The following SLC3A1 variants were observed in gnomAD, a reference collection of about 807,000 sequenced individuals.
SLC3A1 encodes solute carrier family 3 member 1.
Under a neutral mutation model 60.3 loss-of-function variants are expected in SLC3A1, and 78 were observed. The observed-to-expected ratio is 1.29, with a 90% CI of 1.08 to 1.56. The LOEUF is 1.56. SLC3A1 is among the 40% of genes most tolerant of loss of function. The pLI is 0.00. For missense variants in SLC3A1, 1,172 were observed against 858.9 expected (o/e 1.36, Z -4.56); for synonymous variants, 392 against 307.9 (o/e 1.27, Z -2.86).
intron 3 of SLC3A1, among the ~76,000 whole-genome samples, chr2:44,284,250 T>C (rs1261482746): frequency 6.6e-6 from 1 of 152,156 alleles, no homozygotes; most frequent in Non-Finnish European, 1.5e-5. Context: ...CACCTAATTT[T>C]TGTATCTTTA....
chr2:44,288,802 A>G (rs529520862), intron 4 of SLC3A1, among the ~76,000 whole-genome samples: 3 of 152,250 alleles, frequency 2.0e-5, no homozygotes, highest in Admixed American at 6.5e-5. Flanking sequence ...AGAAATGTCT[A>G]TTTAAATCCT....
intron 6 of SLC3A1, 37 bp from the exon 7 acceptor site, chr2:44,304,106 A>C: frequency 6.4e-7 from 1 of 1,554,842 alleles, no homozygotes; most frequent in Non-Finnish European, 8.9e-7. Flanking sequence ...GTCTTCTGAC[A>C]GGCCCCGATG....
At chr2:44,314,155 A>G in intron 9 of SLC3A1, 2 of 1,265,052 alleles carry the variant, frequency 1.6e-6, no homozygotes, top group Non-Finnish European at 2.2e-6. Flanking sequence ...TACCAAGTGA[A>G]GTGAAGTATC....
At chr2:44,282,169 G>A (rs1671514010) in intron 3 of SLC3A1, among the ~76,000 whole-genome samples, 1 of 152,068 alleles carries the variant, frequency 6.6e-6, no homozygotes, top group East Asian at 1.9e-4. Context: ...ACCGCTCCTG[G>A]CCCCCTTTGC....
chr2:44,278,153 CA>C (rs1185500651), intron 1 of SLC3A1, among the ~76,000 whole-genome samples: 1 of 152,024 alleles, frequency 6.6e-6, no homozygotes, highest in Non-Finnish European at 1.5e-5. Flanking sequence ...CAGAAATAAG[CA>C]GCCTGTCAGG....
chr2:44,287,857 C>G (rs1671653097), intron 4 of SLC3A1, among the ~76,000 whole-genome samples: 1 of 152,084 alleles, frequency 6.6e-6, no homozygotes, highest in African/African-American at 2.4e-5. Context: ...AGAGTGGATG[C>G]AAGCTGTCAT....
At chr2:44,306,985 C>A (rs930924701) in intron 7 of SLC3A1, among the ~76,000 whole-genome samples, 1 of 152,184 alleles carries the variant, frequency 6.6e-6, no homozygotes, top group Non-Finnish European at 1.5e-5. Flanking sequence ...TCTCCACTAG[C>A]AATAACTGCG....
chr2:44,301,044 C>G lies in SLC3A1; in HGVS notation c.1053C>G (p.Thr351=), dbSNP rs1671991774. Residue 351 remains threonine (T), a synonymous_variant, in exon 6 of 10, where the codon ACC becomes ACG. Transcript: ENST00000260649. ...ACTCGGAGCTGTACCATGACTTCACCACCACGCAGGTGGGAATGCACGACA... is the reference window on the plus strand; with the variant it reads ...ACTCGGAGCTGTACCATGACTTCACGACCACGCAGGTGGGAATGCACGACA... ...TQYSELYHDF[T]TTQVGMHDIV... 6.2e-7 allele frequency: 1 copy of G among 1,614,044 alleles called. No individual in the cohort carries two copies. The highest frequency in any genetic ancestry group is 1.7e-5 in the Admixed American group (1 of 60,000).
intron 4 of SLC3A1, among the ~76,000 whole-genome samples, chr2:44,294,410 C>A (rs1032827218): frequency 3.3e-5 from 5 of 149,844 alleles, no homozygotes; most frequent in African/African-American, 1.2e-4. Flanking sequence ...GAGGCTGAGG[C>A]AGGAGAATTG....
At chr2:44,316,785 T>C (rs1474154222) in intron 9 of SLC3A1, among the ~76,000 whole-genome samples, 1 of 152,172 alleles carries the variant, frequency 6.6e-6, no homozygotes, top group Non-Finnish European at 1.5e-5. Flanking sequence ...GAATTCTGTA[T>C]CCATTCAAAG....
intron 6 of SLC3A1, 163 bp from the exon 7 acceptor site, chr2:44,303,980 T>C: frequency 1.4e-6 from 1 of 703,290 alleles, no homozygotes; most frequent in Non-Finnish European, 2.6e-6. Flanking sequence ...CAGTCTAACA[T>C]TTGGTGACAG....
At chr2:44,317,040 T>C (rs1052364769) in intron 9 of SLC3A1, among the ~76,000 whole-genome samples, 1 of 150,452 alleles carries the variant, frequency 6.6e-6, no homozygotes, top group African/African-American at 2.4e-5. Context: ...GGTGTGTGGG[T>C]GGGAGGGGGC....
intron 9 of SLC3A1, chr2:44,314,403 T>G (rs1433625955): frequency 4.1e-6 from 1 of 245,714 alleles, no homozygotes; most frequent in Non-Finnish European, 7.9e-6. Flanking sequence ...CCATACATGA[T>G]CCTTAAAGTG....
At chr2:44,302,789 A>G (rs1672047909) in intron 6 of SLC3A1, among the ~76,000 whole-genome samples, 1 of 152,252 alleles carries the variant, frequency 6.6e-6, no homozygotes, top group Non-Finnish European at 1.5e-5. Flanking sequence ...TAGATTCTAA[A>G]TGGAGTGATG....
downstream of SLC3A1, among the ~76,000 whole-genome samples, chr2:44,322,263 G>T (rs980021328): frequency 2.0e-5 from 3 of 152,116 alleles, no homozygotes; most frequent in African/African-American, 7.2e-5. Flanking sequence ...GACTGATATG[G>T]CATGTAGTTT....
chr2:44,275,704 C>A lies in SLC3A1; in HGVS notation c.169C>A (p.Pro57Thr), dbSNP rs553114730. 1.2e-6 allele frequency: 2 copies of A among 1,614,052 alleles called. No homozygotes were observed. The highest frequency in any genetic ancestry group is 1.7e-6 in the Non-Finnish European group (2 of 1,180,012). ...CAGGGGCATCCTTGGCTCCCAGGAG[C>A]CCGACTTCAAGGGCGTCCAGCCCTA... ...STRGILGSQE[P>T]DFKGVQPYAG... Residue 57 changes from proline (P) to threonine (T), a missense_variant, in exon 1 of 10, where the codon CCC (proline) becomes ACC (threonine). Coordinates refer to ENST00000260649, the MANE Select transcript of SLC3A1 (RefSeq NM_000341.4).
At chr2:44,294,933 A>C (rs1196982278) in intron 4 of SLC3A1, among the ~76,000 whole-genome samples, 1 of 152,126 alleles carries the variant, frequency 6.6e-6, no homozygotes, top group Non-Finnish European at 1.5e-5. Context: ...TAATAGAGAC[A>C]GGGTCTCACT....
In SLC3A1 at chr2:44,276,398, G is replaced by C. The variant is rs572557188; in HGVS notation, c.430+433G>C. On this transcript the variant is annotated intron_variant, in intron 1 of 9. Coordinates refer to ENST00000260649, the MANE Select transcript of SLC3A1 (RefSeq NM_000341.4). Reference sequence around the variant, plus strand: ...GGCTGGGAGTGTATTAGTGAATAAAGCATAAATAATATTTTTTTAAAAATC... The same window carrying C: ...GGCTGGGAGTGTATTAGTGAATAAACCATAAATAATATTTTTTTAAAAATC... Among the ~76,000 whole-genome samples, 6 of 152,190 alleles carry C rather than the reference G, an allele frequency of 3.9e-5. 1 individual carries two copies. Among genetic ancestry groups the C allele is most frequent in the African/African-American group, 1.4e-4 (6 of 41,530 alleles).
downstream of SLC3A1, chr2:44,321,698 T>C: frequency 6.3e-7 from 1 of 1,576,416 alleles, no homozygotes; most frequent in Non-Finnish European, 8.6e-7. Context: ...CCTCCCCTCC[T>C]GGGTCTCACC....
Sources: allele counts gnomAD v4.1 joint callset (sites outside exome capture counted in the v4.1 genomes callset), GRCh38; gene constraint gnomAD v4.1.1; transcripts MANE v1.5; gene names NCBI Gene and HGNC (gene_info 2026-07-23, HGNC 2026-07-21).